The following MALL variants were observed in gnomAD, a reference collection of about 807,000 sequenced individuals.
MALL encodes MAL-like protein.
A neutral mutation model predicts 10.3 loss-of-function variants in MALL; 2 were observed. The observed-to-expected ratio is 0.19, with a 90% CI of 0.08 to 0.61. MALL has a LOEUF of 0.61. Among genes scored for constraint, MALL ranks in the 20% least tolerant of loss-of-function variants. The probability of loss-of-function intolerance (pLI) is 0.88; values close to 1 mark genes in which losing one functional copy is unlikely to be tolerated. For synonymous variants in MALL, 27 were observed against 51.8 expected (o/e 0.52, Z 2.05); for missense variants, 39 against 115.2 (o/e 0.34, Z 3.03).
At chr2:110,112,072 A>G (rs540154346) in intron 1 of MALL, among the ~76,000 whole-genome samples, 3 of 152,300 alleles carry the variant, frequency 2.0e-5, no homozygotes, top group Non-Finnish European at 4.4e-5. Context: ...CACCTTATAC[A>G]AAAACCAACT....
At chr2:110,111,153 T>G (rs1378510931) in intron 1 of MALL, among the ~76,000 whole-genome samples, 1 of 152,062 alleles carries the variant, frequency 6.6e-6, no homozygotes, top group African/African-American at 2.4e-5. Context: ...CTCTGAGAAC[T>G]GAAACAAGAC....
chr2:110,117,524 G>C (rs1338445872), upstream of MALL, among the ~76,000 whole-genome samples: 1 of 150,540 alleles, frequency 6.6e-6, no homozygotes, highest in African/African-American at 2.4e-5. Context: ...AAAGACCAGG[G>C]TTTTCATTTT....
chr2:110,104,203 A>T (rs1678638243), intron 1 of MALL, among the ~76,000 whole-genome samples: 1 of 152,020 alleles, frequency 6.6e-6, no homozygotes, highest in Admixed American at 6.5e-5. Context: ...TCTGTCCCTG[A>T]TTCTGGGGTT....
chr2:110,103,100 C>T (rs181945580), intron 1 of MALL, among the ~76,000 whole-genome samples: 4 of 152,248 alleles, frequency 2.6e-5, no homozygotes, highest in African/African-American at 4.8e-5. Flanking sequence ...TCATGATATC[C>T]GGCCCCTCTG....
chr2:110,105,908 C>T (rs539160561), intron 1 of MALL, among the ~76,000 whole-genome samples: 3 of 152,246 alleles, frequency 2.0e-5, no homozygotes, highest in Non-Finnish European at 4.4e-5. Flanking sequence ...AGAGTAGAAG[C>T]AGCAGCAGGT....
At chr2:110,101,099 C>G (rs1189883265) in intron 1 of MALL, among the ~76,000 whole-genome samples, 1 of 152,052 alleles carries the variant, frequency 6.6e-6, no homozygotes, top group Non-Finnish European at 1.5e-5. Context: ...TGCTTATAGC[C>G]CATGAGGCAG....
At position 110,114,994 on chromosome 2, in the gene MALL, G is replaced by A. The variant is rs187724857; in HGVS notation, c.105+694C>T. 1.5e-3 allele frequency among the ~76,000 whole-genome samples: 225 copies of A among 152,210 alleles called. 2 individuals carry two copies. The highest frequency in any genetic ancestry group is 5.2e-3 in the African/African-American group (215 of 41,550). Reference sequence around the variant, plus strand: ...CAGATGGGAGCAGGCAGGATCCCCAGGGATCAGGGCCACGACTCAGTCGTA... The same window carrying A: ...CAGATGGGAGCAGGCAGGATCCCCAAGGATCAGGGCCACGACTCAGTCGTA... On this transcript the variant is annotated intron_variant, in intron 1 of 3. Transcript: ENST00000272462.
intron 1 of MALL, among the ~76,000 whole-genome samples, chr2:110,106,022 ACTAAT>A (rs957534760): frequency 1.3e-5 from 2 of 152,174 alleles, no homozygotes; most frequent in Non-Finnish European, 2.9e-5. Context: ...TTTATCTCTG[ACTAAT>A]GTGCTGGTGA....
chr2:110,115,702 A>G lies in MALL; in HGVS notation c.91T>C (p.Phe31Leu). 1.6e-6 allele frequency: 2 copies of G among 1,287,492 alleles called. No individual in the cohort carries two copies. The highest frequency in any genetic ancestry group is 2.0e-6 in the Non-Finnish European group (2 of 1,010,218). 79.8% of individuals were successfully genotyped at this position (1,287,492 alleles called of 1,614,324 possible). A position where few individuals can be genotyped will look rare whatever the true frequency, so the allele number is the denominator to read the frequency against. ...GCCGCACTCACCAGCTCGGGCAGGAAGAAGGCGAAAGGGATGGTGAGGAAC... is the reference window on the plus strand; with the variant it reads ...GCCGCACTCACCAGCTCGGGCAGGAGGAAGGCGAAAGGGATGGTGAGGAAC... ...ALFLTIPFAF[F>L]LPELIFGFLV... Residue 31 changes from phenylalanine to leucine, a missense_variant, in exon 1 of 4, where the codon TTC becomes CTC. By Grantham distance (22) the Phe-to-Leu change is conservative. Coordinates refer to ENST00000272462, the MANE Select transcript of MALL (RefSeq NM_005434.5).
intron 1 of MALL, among the ~76,000 whole-genome samples, chr2:110,105,721 C>T (rs1246881884): frequency 6.6e-6 from 1 of 152,194 alleles, no homozygotes; most frequent in Non-Finnish European, 1.5e-5. Flanking sequence ...AACTCAACTT[C>T]TAAGGCACAG....
At chr2:110,092,896 TTTCCCCTGACAA>T (rs1678401984) in intron 1 of MALL, among the ~76,000 whole-genome samples, 1 of 43,708 alleles carries the variant, frequency 2.3e-5, no homozygotes, top group African/African-American at 4.6e-5. Context: ...CGTCTTTAAA[TTTCCCCTGACAA>T]TTATTTTCTC....
At chr2:110,092,638 T>C (rs1031136987) in intron 1 of MALL, among the ~76,000 whole-genome samples, 5 of 112,010 alleles carry the variant, frequency 4.5e-5, no homozygotes, top group African/African-American at 1.4e-4. Flanking sequence ...CACACCAACA[T>C]GGCACATGTA....
chr2:110,096,308 G>A (rs939564119), intron 1 of MALL, among the ~76,000 whole-genome samples: 3 of 152,148 alleles, frequency 2.0e-5, no homozygotes, highest in African/African-American at 4.8e-5. Flanking sequence ...GCACCATGCA[G>A]CGCCTTTCCT....
chr2:110,103,628 T>C (rs1409425714), intron 1 of MALL, among the ~76,000 whole-genome samples: 2 of 152,120 alleles, frequency 1.3e-5, no homozygotes, highest in Non-Finnish European at 2.9e-5. Context: ...TCGCCCTGGG[T>C]CCAGTGGGTC....
rs113117807 is a variant in MALL at position 110,115,772 on chromosome 2, G to C, written c.21C>G (p.Pro7=). The C allele has an allele frequency of 6.3e-6, 8 of 1,274,398 alleles. No individual in the cohort carries two copies. The African/African-American group carries it at 9.2e-5, about 15-fold the overall frequency. The allele number at this position is 1,274,398 out of a possible 1,614,324, so 78.9% of individuals were successfully genotyped here. Residue 7 remains proline (P), a synonymous_variant, in exon 1 of 4, where the codon CCC becomes CCG. Coordinates refer to ENST00000272462, the MANE Select transcript of MALL (RefSeq NM_005434.5). MASPDP[P]ATSYAPSDVP... is the part of the protein sequence containing the mutation. ...CGTCGGACGGGGCGTAGCTGGTGGCGGGCGGGTCGGGCGAGGCCATGCTGT... is the reference window on the plus strand; with the variant it reads ...CGTCGGACGGGGCGTAGCTGGTGGCCGGCGGGTCGGGCGAGGCCATGCTGT...
intron 1 of MALL, among the ~76,000 whole-genome samples, chr2:110,108,971 G>A (rs963197249): frequency 2.0e-5 from 3 of 152,072 alleles, no homozygotes; most frequent in Admixed American, 6.5e-5. Flanking sequence ...GGATATAGTC[G>A]TTTTCAGACA....
upstream of MALL, chr2:110,115,830 C>T (rs1298206582): frequency 2.0e-6 from 2 of 981,032 alleles, no homozygotes; most frequent in African/African-American, 3.4e-5. Flanking sequence ...GGCAGCTCGC[C>T]CGCGCGCAGC....
rs182861674 is a variant in MALL, at chr2:110,096,022, T to C, written c.106-4252A>G. 2.6e-5 allele frequency among the ~76,000 whole-genome samples: 4 copies of C among 152,322 alleles called. No individual in the cohort carries two copies. In the East Asian group the frequency reaches 7.7e-4, roughly 29 times the overall value. ...GGAGGATGCTTATTATTTTGAAAAC[T>C]GCTTTAAAAGAAAGAGAAGCCGGCA... On this transcript the variant is annotated intron_variant, in intron 1 of 3. Transcript: ENST00000272462.
At chr2:110,099,292 T>C (rs1246146053) in intron 1 of MALL, among the ~76,000 whole-genome samples, 1 of 152,152 alleles carries the variant, frequency 6.6e-6, no homozygotes, top group East Asian at 1.9e-4. Flanking sequence ...TGTGCGTGCC[T>C]GGCAACTCAA....
Sources: allele counts gnomAD v4.1 joint callset (sites outside exome capture counted in the v4.1 genomes callset), GRCh38; gene constraint gnomAD v4.1.1; transcripts MANE v1.5; gene names NCBI Gene and HGNC (gene_info 2026-07-23, HGNC 2026-07-21).